Variants in KAT6B observed in about 807,000 individuals in gnomAD.
KAT6B encodes lysine acetyltransferase 6B.
Under a neutral mutation model 187.5 loss-of-function variants are expected in KAT6B, and 10 were observed. The ratio of observed to expected loss-of-function variants is 0.05; its 90% confidence interval spans 0.03 to 0.09. The LOEUF is 0.09. Ranked by LOEUF, KAT6B falls within the 10% of genes least tolerant of loss-of-function variation. The pLI is 1.00. For missense variants in KAT6B, 1,952 were observed against 2,558.9 expected (o/e 0.76, Z 5.12); for synonymous variants, 861 against 926.8 (o/e 0.93, Z 1.29).
At chr10:74,981,949 AAATTCAGCTTTTTG>A in intron 11 of KAT6B, 21 bp downstream of exon 11, 1 of 1,611,792 alleles carries the variant, frequency 6.2e-7, no homozygotes, top group Non-Finnish European at 8.5e-7. Flanking sequence ...GTAAATAAAA[AAATTCAGCTTTTTG>A]AAATCTAGTA....
chr10:74,976,563 C>T (rs190208353), intron 8 of KAT6B: 122 of 579,554 alleles, frequency 2.1e-4, no homozygotes, highest in African/African-American at 2.0e-3. Context: ...TATTTATTTC[C>T]ATTCGTAGTG....
chr10:74,956,684 A>G (rs1400252618), intron 3 of KAT6B, among the ~76,000 whole-genome samples: 1 of 152,220 alleles, frequency 6.6e-6, no homozygotes, highest in Non-Finnish European at 1.5e-5. Context: ...TTAGATGCTC[A>G]ATTTCTTTTC....
At chr10:75,021,341 A>G in intron 15 of KAT6B, 56 bp downstream of exon 15, 1 of 1,567,796 alleles carries the variant, frequency 6.4e-7, no homozygotes, top group South Asian at 1.1e-5. Flanking sequence ...TAGCATTCTT[A>G]AGCTAAGAAA....
chr10:74,844,457 C>T (rs181449109), intron 3 of KAT6B, among the ~76,000 whole-genome samples: 128 of 152,342 alleles, frequency 8.4e-4, no homozygotes, highest in Middle Eastern at 3.4e-3. Flanking sequence ...CTTTGGTCTC[C>T]CAAAGTGTTG....
intron 7 of KAT6B, among the ~76,000 whole-genome samples, chr10:74,973,375 T>C (rs772392557): frequency 1.5e-4 from 23 of 152,202 alleles, no homozygotes; most frequent in Non-Finnish European, 2.9e-4. Flanking sequence ...GTGTAGAGTA[T>C]AGATTTGACT....
At position 75,029,874 on chromosome 10, in the gene KAT6B, A is replaced by G; in HGVS notation, c.5050A>G (p.Ser1684Gly). 1.9e-6 allele frequency: 3 copies of G among 1,614,204 alleles called. No homozygotes were observed. The highest frequency in any genetic ancestry group is 2.5e-6 in the Non-Finnish European group (3 of 1,180,044). The change falls in exon 18 of 18, where the codon AGC becomes GGC. Residue 1684 changes from serine to glycine, a missense_variant. Physicochemically the swap from Ser to Gly is moderately conservative, Grantham distance 56 (BLOSUM62 0). Transcript: ENST00000287239. This position sits in a 1 kb window ranked among gnomAD's most constrained non-coding sequence, Gnocchi z 6.2. ...CACAACTGAGAACTACGAAAACCCA[A>G]GCAGCTACGATTCTACTATGGGAGG... ...ESTTENYENPSSYDSTMGGSI... is the reference protein window; with the variant it reads ...ESTTENYENPGSYDSTMGGSI...
intron 13 of KAT6B, among the ~76,000 whole-genome samples, chr10:74,997,030 T>G (rs751151313): frequency 6.6e-6 from 1 of 152,130 alleles, no homozygotes; most frequent in African/African-American, 2.4e-5. Flanking sequence ...ATATATACTT[T>G]TAAGTTTGGT....
chr10:74,999,689 CACTT>C (rs1843696013), intron 13 of KAT6B, among the ~76,000 whole-genome samples: 1 of 152,152 alleles, frequency 6.6e-6, no homozygotes, highest in African/African-American at 2.4e-5. Context: ...CACATTTACT[CACTT>C]AGTCCTCACG....
chr10:74,984,863 T>A, intron 11 of KAT6B: 1 of 561,796 alleles, frequency 1.8e-6, no homozygotes, highest in Non-Finnish European at 3.1e-6. Context: ...TTAACTACCT[T>A]AAATGTACCC....
intron 4 of KAT6B, among the ~76,000 whole-genome samples, 163 bp from the exon 5 acceptor site, chr10:74,969,497 G>A (rs1470843261): frequency 6.6e-6 from 1 of 152,212 alleles, no homozygotes; most frequent in Non-Finnish European, 1.5e-5. Flanking sequence ...GGAAAAGGCA[G>A]AAAGGAAAAT....
chr10:74,996,301 A>G (rs1377315578), intron 13 of KAT6B, among the ~76,000 whole-genome samples: 1 of 152,218 alleles, frequency 6.6e-6, no homozygotes, highest in African/African-American at 2.4e-5. Flanking sequence ...TTTGGACAGT[A>G]TGCCTTGAGA....
intron 3 of KAT6B, among the ~76,000 whole-genome samples, chr10:74,860,215 G>A (rs1843084339): frequency 6.6e-6 from 1 of 151,980 alleles, no homozygotes; most frequent in Non-Finnish European, 1.5e-5. Context: ...CATGATTTGT[G>A]TCTCTGACCA....
chr10:74,930,633 G>A (rs1261105473), intron 3 of KAT6B, among the ~76,000 whole-genome samples: 2 of 152,136 alleles, frequency 1.3e-5, no homozygotes, highest in Non-Finnish European at 2.9e-5. Flanking sequence ...TAAAAGCAGG[G>A]AATAAAAATG....
At chr10:75,019,276 C>T (rs975399813) in intron 13 of KAT6B, among the ~76,000 whole-genome samples, 11 of 152,170 alleles carry the variant, frequency 7.2e-5, no homozygotes, top group Non-Finnish European at 1.3e-4. Flanking sequence ...GTTAAATTTA[C>T]GCCTATTCTT....
intron 13 of KAT6B, among the ~76,000 whole-genome samples, chr10:74,995,218 C>T (rs573381459): frequency 1.3e-5 from 2 of 152,152 alleles, no homozygotes; most frequent in Non-Finnish European, 2.9e-5. Flanking sequence ...TATATGGTTC[C>T]TTTTGGCTTT....
At chr10:74,978,860 A>G (rs571768480) in intron 9 of KAT6B, among the ~76,000 whole-genome samples, 10 of 152,222 alleles carry the variant, frequency 6.6e-5, no homozygotes, top group Non-Finnish European at 1.3e-4. Context: ...ATAATCACCT[A>G]ATTTCTAATC....
intron 13 of KAT6B, among the ~76,000 whole-genome samples, chr10:75,018,036 AG>A (rs1160339256): frequency 6.6e-6 from 1 of 152,208 alleles, no homozygotes; most frequent in African/African-American, 2.4e-5. Context: ...CAAGCCATGC[AG>A]GGGTCCCTTC....
chr10:75,026,427 C>A (rs1193003196), intron 17 of KAT6B, among the ~76,000 whole-genome samples: 1 of 152,180 alleles, frequency 6.6e-6, no homozygotes, highest in Non-Finnish European at 1.5e-5. Flanking sequence ...TCAGAACTTA[C>A]TTTAATCTGG....
At chr10:74,999,848 G>A (rs567579683) in intron 13 of KAT6B, among the ~76,000 whole-genome samples, 4 of 152,302 alleles carry the variant, frequency 2.6e-5, no homozygotes, top group East Asian at 1.9e-4. Context: ...TATTAAGTGC[G>A]ATTAAAAGTA....
Sources: gnomAD v4.1 joint callset for allele counts (sites outside exome capture counted in the v4.1 genomes callset) on GRCh38, gnomAD v4.1.1 for gene constraint, Gnocchi (gnomAD v3.1) non-coding constraint, MANE v1.5 for transcripts, NCBI Gene and HGNC (gene_info 2026-07-23, HGNC 2026-07-21) for gene names.